Variants in SORCS1 observed in about 807,000 individuals in gnomAD.
SORCS1 encodes the protein VPS10 domain-containing receptor SorCS1.
Under a neutral mutation model 146.1 loss-of-function variants are expected in SORCS1, and 60 were observed. The observed-to-expected ratio is 0.41, with a 90% CI of 0.33 to 0.51. The LOEUF (loss-of-function observed/expected upper bound fraction) is 0.51, where lower values mean the gene tolerates loss of function less well. SORCS1 is among the 20% of genes least tolerant of loss of function. SORCS1 has a pLI of 0.21. For synonymous variants in SORCS1, 637 were observed against 584.0 expected, an observed-to-expected ratio of 1.09 and a Z score of -1.31; for missense variants, 1,352 against 1,487.6, an observed-to-expected ratio of 0.91 and a Z score of 1.50.
At chr10:107,176,898 T>G in the SORCS1 span, among the ~76,000 whole-genome samples, 1 of 152,056 alleles carries the variant, frequency 6.6e-6, no homozygotes, top group African/African-American at 2.4e-5. Context: ...TGTTCAAATA[T>G]TCTATAATTT....
chr10:106,988,039 A>G (rs1440590103), intron 1 of SORCS1, among the ~76,000 whole-genome samples: 2 of 152,126 alleles, frequency 1.3e-5, no homozygotes, highest in Non-Finnish European at 2.9e-5. Flanking sequence ...CTCTCTCACT[A>G]TATTACAGAA....
chr10:106,910,662 C>G (rs929681934), intron 2 of SORCS1, among the ~76,000 whole-genome samples: 1 of 152,168 alleles, frequency 6.6e-6, no homozygotes, highest in Admixed American at 6.5e-5. Flanking sequence ...CTGAACATAT[C>G]AAATTATTAT....
chr10:106,687,548 A>AATAC (rs758984391), intron 10 of SORCS1, among the ~76,000 whole-genome samples: 1 of 152,204 alleles, frequency 6.6e-6, no homozygotes, highest in East Asian at 1.9e-4. Flanking sequence ...AGCCGTCAAC[A>AATAC]ATACATGAAT....
At chr10:106,608,995 C>A (rs925290399) in intron 22 of SORCS1, among the ~76,000 whole-genome samples, 26 of 152,180 alleles carry the variant, frequency 1.7e-4, no homozygotes, top group Non-Finnish European at 4.4e-5. Context: ...AGACTCTGCC[C>A]ATAGCCCTCC....
At chr10:107,116,572 T>C (rs1966051607) in intron 1 of SORCS1, among the ~76,000 whole-genome samples, 1 of 151,984 alleles carries the variant, frequency 6.6e-6, no homozygotes, top group Non-Finnish European at 1.5e-5. Context: ...GCCAGACACA[T>C]AAGGGCAAAT....
intron 1 of SORCS1, among the ~76,000 whole-genome samples, chr10:107,014,284 A>AAGAG (rs906628023): frequency 7.6e-5 from 11 of 145,024 alleles, no homozygotes; most frequent in East Asian, 5.9e-4. Context: ...AAAAGAAAAA[A>AAGAG]AGAGAGAGAG....
intron 2 of SORCS1, among the ~76,000 whole-genome samples, chr10:106,935,949 C>A (rs1953688354): frequency 6.6e-6 from 1 of 152,126 alleles, no homozygotes; most frequent in Admixed American, 6.5e-5. Context: ...TACTTTGAAA[C>A]TTGAGAATTA....
intron 2 of SORCS1, among the ~76,000 whole-genome samples, chr10:106,918,324 C>A (rs1180040906): frequency 6.6e-6 from 1 of 152,062 alleles, no homozygotes; most frequent in Non-Finnish European, 1.5e-5. Context: ...CCACGCCTGG[C>A]TAATTTTTTT....
intron 1 of SORCS1, among the ~76,000 whole-genome samples, chr10:106,967,183 C>T (rs577802865): frequency 6.6e-6 from 1 of 151,376 alleles, no homozygotes; most frequent in East Asian, 1.9e-4. Context: ...AGTCTGAGGA[C>T]ACTTGTCTTG....
intron 24 of SORCS1, among the ~76,000 whole-genome samples, chr10:106,589,696 C>T (rs1346618528): frequency 4.5e-5 from 5 of 110,392 alleles, no homozygotes; most frequent in South Asian, 2.6e-4. Flanking sequence ...TCTTTGACGA[C>T]GAAAAAAAAA....
intron 1 of SORCS1, among the ~76,000 whole-genome samples, chr10:107,024,173 C>CAAAA (rs60404386): frequency 1.1e-5 from 1 of 94,530 alleles, no homozygotes; most frequent in East Asian, 3.5e-4. Context: ...GATTCCATCT[C>CAAAA]AAAAAAAAAA....
intron 5 of SORCS1, among the ~76,000 whole-genome samples, chr10:106,743,101 G>A (rs1171099367): frequency 6.6e-6 from 1 of 152,104 alleles, no homozygotes; most frequent in East Asian, 1.9e-4. Context: ...AGTCCACTAT[G>A]GATGTGAATT....
At chr10:106,727,781 CTCGATTGG>C (rs1161538721) in intron 6 of SORCS1, among the ~76,000 whole-genome samples, 8 of 152,104 alleles carry the variant, frequency 5.3e-5, no homozygotes, top group Non-Finnish European at 1.0e-4. Flanking sequence ...ATCAATTATG[CTCGATTGG>C]TCAGGGTATG....
intron 13 of SORCS1, among the ~76,000 whole-genome samples, chr10:106,677,095 G>C (rs1193357201): frequency 3.3e-5 from 5 of 151,962 alleles, no homozygotes; most frequent in Non-Finnish European, 1.5e-5. Flanking sequence ...CCATATCCTT[G>C]GCTGCAGCAC....
intron 1 of SORCS1, among the ~76,000 whole-genome samples, chr10:107,110,257 C>T (rs1383484391): frequency 6.6e-6 from 1 of 152,048 alleles, no homozygotes; most frequent in Non-Finnish European, 1.5e-5. Context: ...ATAGCAATAC[C>T]CAACTCATTA....
At chr10:106,994,704 G>C (rs942862681) in intron 1 of SORCS1, among the ~76,000 whole-genome samples, 10 of 152,274 alleles carry the variant, frequency 6.6e-5, no homozygotes, top group African/African-American at 1.9e-4. Context: ...AGCATTACTT[G>C]AATGTGAAAA....
rs554450469 is a variant in SORCS1, at chr10:107,074,150, G to A, written c.558+89819C>T. 1.1e-4 allele frequency among the ~76,000 whole-genome samples: 16 copies of A among 152,102 alleles called. No homozygotes were observed. The South Asian group carries it at 1.7e-3, about 16-fold the overall frequency. Reference sequence around the variant, plus strand: ...GCATGTATCCACCATTATAACATACGAAGTAGTTTCAGTGCTCTAAGAATC... The same window carrying A: ...GCATGTATCCACCATTATAACATACAAAGTAGTTTCAGTGCTCTAAGAATC... On this transcript the variant is annotated intron_variant, in intron 1 of 25. Coordinates refer to ENST00000263054, the MANE Select transcript of SORCS1 (RefSeq NM_052918.5).
intron 1 of SORCS1, among the ~76,000 whole-genome samples, chr10:107,026,907 A>G (rs568254664): frequency 6.6e-6 from 1 of 151,970 alleles, no homozygotes; most frequent in Admixed American, 6.6e-5. Flanking sequence ...TGTAAGTCAA[A>G]TATGAGAGCA....
chr10:107,109,568 T>C (rs1174957823), intron 1 of SORCS1, among the ~76,000 whole-genome samples: 2 of 152,182 alleles, frequency 1.3e-5, no homozygotes, highest in Non-Finnish European at 2.9e-5. Flanking sequence ...CCTGAAACCA[T>C]TCTTTCCACT....
Sources: gnomAD v4.1 joint callset for allele counts (sites outside exome capture counted in the v4.1 genomes callset) on GRCh38, gnomAD v4.1.1 for gene constraint, MANE v1.5 for transcripts, NCBI Gene and HGNC (gene_info 2026-07-23, HGNC 2026-07-21) for gene names.